Variants in KCND2 observed in about 807,000 individuals in gnomAD.
KCND2 encodes the protein potassium voltage-gated channel subfamily D member 2.
In KCND2, 16 loss-of-function variants were observed where a neutral mutation model predicts 54.4. The observed-to-expected ratio is 0.29, with a 90% CI of 0.20 to 0.45. The LOEUF is 0.45. KCND2 is among the 20% of genes least tolerant of loss of function. KCND2 has a pLI of 1.00. For missense variants in KCND2, 486 were observed against 824.2 expected, an observed-to-expected ratio of 0.59 and a Z score of 5.02; for synonymous variants, 317 against 310.7, an observed-to-expected ratio of 1.02 and a Z score of -0.21.
At chr7:120,641,619 G>C (rs781608654) in intron 1 of KCND2, among the ~76,000 whole-genome samples, 1 of 152,134 alleles carries the variant, frequency 6.6e-6, no homozygotes, top group African/African-American at 2.4e-5. Flanking sequence ...AAGTGTCACT[G>C]CTTAATATCC....
chr7:120,423,184 C>A (rs2116139935), intron 1 of KCND2, among the ~76,000 whole-genome samples: 1 of 152,310 alleles, frequency 6.6e-6, no homozygotes, highest in South Asian at 2.1e-4. Context: ...TGGCTTCACT[C>A]TTCTCTGTTC....
chr7:120,652,848 A>G (rs1414483800), intron 1 of KCND2, among the ~76,000 whole-genome samples: 4 of 152,220 alleles, frequency 2.6e-5, no homozygotes, highest in Admixed American at 6.5e-5. Context: ...CGATATCAAG[A>G]TGACATTTAA....
chr7:120,341,364 C>G (rs1294735567), intron 1 of KCND2, among the ~76,000 whole-genome samples: 1 of 152,142 alleles, frequency 6.6e-6, no homozygotes, highest in Admixed American at 6.6e-5. Context: ...CTGTGTGTTT[C>G]TCTGTGCATC....
intron 1 of KCND2, among the ~76,000 whole-genome samples, chr7:120,669,314 C>T (rs1791963388): frequency 6.6e-6 from 1 of 152,002 alleles, no homozygotes; most frequent in Non-Finnish European, 1.5e-5. Flanking sequence ...AATTATCATG[C>T]AAACAGGAAT....
At chr7:120,508,891 A>ATTTATT in intron 1 of KCND2, among the ~76,000 whole-genome samples, 1 of 138,234 alleles carries the variant, frequency 7.2e-6, no homozygotes, top group African/African-American at 2.8e-5. Context: ...GCCTTTCACG[A>ATTTATT]TTTTTTTTTT....
chr7:120,378,878 A>T (rs1340510734), intron 1 of KCND2, among the ~76,000 whole-genome samples: 1 of 152,020 alleles, frequency 6.6e-6, no homozygotes, highest in Non-Finnish European at 1.5e-5. Flanking sequence ...TTGTAATATT[A>T]CATTCTAAGT....
At chr7:120,674,516 G>A (rs1274037568) in intron 1 of KCND2, among the ~76,000 whole-genome samples, 1 of 152,194 alleles carries the variant, frequency 6.6e-6, no homozygotes, top group Non-Finnish European at 1.5e-5. Context: ...ATGAGTGCAG[G>A]TTTAGGCATG....
intron 1 of KCND2, among the ~76,000 whole-genome samples, chr7:120,348,001 G>A (rs1007109377): frequency 2.0e-5 from 3 of 152,054 alleles, no homozygotes; most frequent in Non-Finnish European, 4.4e-5. Context: ...TCTCTTTCAG[G>A]AAGGCGCTAA....
At chr7:120,493,469 A>G (rs1394633322) in intron 1 of KCND2, among the ~76,000 whole-genome samples, 1 of 152,072 alleles carries the variant, frequency 6.6e-6, no homozygotes, top group African/African-American at 2.4e-5. Flanking sequence ...AATGGGGGTA[A>G]ACAGATATGT....
intron 1 of KCND2, among the ~76,000 whole-genome samples, chr7:120,628,479 A>G (rs949970846): frequency 6.6e-6 from 1 of 151,352 alleles, no homozygotes; most frequent in Non-Finnish European, 1.5e-5. Context: ...ACCAAATATA[A>G]CTGTCCTCAC....
intron 1 of KCND2, among the ~76,000 whole-genome samples, chr7:120,378,625 G>C (rs6466744): frequency 6.6e-6 from 1 of 151,884 alleles, no homozygotes; most frequent in African/African-American, 2.4e-5. Flanking sequence ...ACAAAACTAC[G>C]TGTAAAGCAG....
At chr7:120,629,466 A>C (rs373841321) in intron 1 of KCND2, among the ~76,000 whole-genome samples, 5 of 152,094 alleles carry the variant, frequency 3.3e-5, no homozygotes, top group Non-Finnish European at 7.4e-5. Context: ...ATCCTGGGCG[A>C]CAGAGCGAGA....
chr7:120,681,892 C>G (rs1377388439), intron 1 of KCND2, among the ~76,000 whole-genome samples: 1 of 151,856 alleles, frequency 6.6e-6, no homozygotes, highest in African/African-American at 2.4e-5. Flanking sequence ...ATTAGGCTAA[C>G]TAAGCAGCTA....
At chr7:120,536,478 T>C (rs1292827274) in intron 1 of KCND2, among the ~76,000 whole-genome samples, 1 of 152,224 alleles carries the variant, frequency 6.6e-6, no homozygotes, top group Non-Finnish European at 1.5e-5. Context: ...TGATGTTGTT[T>C]GATAGTATTT....
intron 1 of KCND2, among the ~76,000 whole-genome samples, chr7:120,641,754 C>CTTTTT (rs5886998): frequency 0.12 from 15,469 of 129,484 alleles, 1,140 homozygotes; most frequent in Non-Finnish European, 0.13. Context: ...CAAGCATATT[C>CTTTTT]TTTTTTTTTT....
intron 1 of KCND2, among the ~76,000 whole-genome samples, chr7:120,418,386 T>G (rs1164844924): frequency 6.6e-6 from 1 of 152,138 alleles, no homozygotes; most frequent in African/African-American, 2.4e-5. Context: ...AAGAAATTAT[T>G]TTGAAATACA....
intron 1 of KCND2, among the ~76,000 whole-genome samples, chr7:120,664,704 T>G (rs1791904475): frequency 6.6e-6 from 1 of 152,072 alleles, no homozygotes; most frequent in South Asian, 2.1e-4. Flanking sequence ...GAAAACAGAA[T>G]TTATGAACCC....
At chr7:120,576,489 CTAAT>C (rs1479005509) in intron 1 of KCND2, among the ~76,000 whole-genome samples, 3 of 151,318 alleles carry the variant, frequency 2.0e-5, no homozygotes, top group African/African-American at 2.4e-5. Context: ...TTGATTATCT[CTAAT>C]TATTTCCATG....
intron 1 of KCND2, among the ~76,000 whole-genome samples, chr7:120,596,198 CTT>C (rs1324397658): frequency 1.3e-5 from 2 of 152,200 alleles, no homozygotes; most frequent in East Asian, 3.9e-4. Flanking sequence ...TGTAAGAACT[CTT>C]TTATAATTAT....
Sources: gnomAD v4.1 joint callset for allele counts (sites outside exome capture counted in the v4.1 genomes callset) on GRCh38, gnomAD v4.1.1 for gene constraint, MANE v1.5 for transcripts, NCBI Gene and HGNC (gene_info 2026-07-23, HGNC 2026-07-21) for gene names.